Variants in PTDSS2 observed in about 807,000 individuals in gnomAD.
PTDSS2 encodes the protein phosphatidylserine synthase 2, also known as PSS-2.
PTDSS2 carries 41 observed loss-of-function variants against 64.7 expected under a neutral mutation model. The observed-to-expected ratio is 0.63, with a 90% CI of 0.49 to 0.82. The LOEUF (loss-of-function observed/expected upper bound fraction) is 0.82, where lower values mean the gene tolerates loss of function less well. Ranked by LOEUF, PTDSS2 falls within the 40% of genes least tolerant of loss-of-function variation. The pLI is 0.00. For missense variants in PTDSS2, 485 were observed against 650.0 expected (o/e 0.75, Z 2.76); for synonymous variants, 297 against 277.8 (o/e 1.07, Z -0.69).
At chr11:465,750 A>ACCCC (rs1257044596) in intron 2 of PTDSS2, among the ~76,000 whole-genome samples, 3 of 131,682 alleles carry the variant, frequency 2.3e-5, no homozygotes, top group African/African-American at 1.0e-4. Context: ...CATAGTGAGG[A>ACCCC]CCACCCCCCC....
chr11:486,905 T>G (rs1306490821), intron 4 of PTDSS2, 34 bp from the exon 5 acceptor site: 1 of 1,581,724 alleles, frequency 6.3e-7, no homozygotes, highest in Admixed American at 1.8e-5. Flanking sequence ...CACCACTAAC[T>G]GTAGCCCCGC....
At chr11:468,888 G>T (rs553984050) in intron 2 of PTDSS2, among the ~76,000 whole-genome samples, 1 of 149,758 alleles carries the variant, frequency 6.7e-6, no homozygotes, top group Admixed American at 6.6e-5. Context: ...GGAGAAGGAG[G>T]GGAGTCTCTG....
chr11:490,306 C>T (rs958049319), intron 11 of PTDSS2, 114 bp from the exon 12 acceptor site: 67 of 1,456,760 alleles, frequency 4.6e-5, no homozygotes, highest in African/African-American at 5.6e-5. Flanking sequence ...CCAGGGTACC[C>T]GGCACCCACC....
At position 470,322 on chromosome 11, in the gene PTDSS2, T is replaced by C. The variant is rs377207857; in HGVS notation, c.285-3573T>C. On this transcript the variant is annotated intron_variant, in intron 2 of 11. Transcript: ENST00000308020. The surrounding 1 kb of genome is among the most constrained non-coding windows in gnomAD (Gnocchi z 5.3). The stretch of plus-strand genomic sequence containing the variant: ...ACCCCAGCCCGGCCATGCAGAGGCA[T>C]AGTCGACCATCTCACTAAGGAACAT... 2.0e-5 allele frequency among the ~76,000 whole-genome samples: 3 copies of C among 152,194 alleles called. No homozygotes were observed. The East Asian group carries it at 5.8e-4, about 29-fold the overall frequency.
In PTDSS2 at chr11:489,947, C is replaced by A. The variant is rs1208415253; in HGVS notation, c.1180C>A (p.Leu394Ile). ...GGCGGCCATCACGGCCACGGAGCTG[C>A]TCATCGTGGTGAAGTACGACCCCCA... ...LVAAITATEL[L>I]IVVKYDPHTL... The change falls in exon 11 of 12, where the codon CTC (leucine) becomes ATC (isoleucine). Residue 394 changes from leucine (L) to isoleucine (I), a missense_variant. Coordinates refer to ENST00000308020, the MANE Select transcript of PTDSS2 (RefSeq NM_030783.3). The A allele has an allele frequency of 9.3e-6, 15 of 1,610,338 alleles. No individual in the cohort carries two copies. Among genetic ancestry groups the A allele is most frequent in the Non-Finnish European group, 1.2e-5 (14 of 1,179,542 alleles).
chr11:466,148 A>C (rs1182625338), intron 2 of PTDSS2, among the ~76,000 whole-genome samples: 1 of 152,202 alleles, frequency 6.6e-6, no homozygotes, highest in Non-Finnish European at 1.5e-5. Flanking sequence ...TTGAGGCAGA[A>C]GGATTGCTTG....
At chr11:450,167 G>C (rs554851135), upstream of PTDSS2, 4 of 314,812 alleles carry the variant, frequency 1.3e-5, no homozygotes, top group East Asian at 1.5e-4. Context: ...CCGCAGGGCG[G>C]TCCGGCTCCG....
chr11:490,167 T>C (rs1048056034), intron 11 of PTDSS2, 99 bp downstream of exon 11: 9 of 1,350,240 alleles, frequency 6.7e-6, no homozygotes, highest in Non-Finnish European at 9.1e-6. Flanking sequence ...TGTCTCACTG[T>C]CCCTGCTTCA....
intron 2 of PTDSS2, among the ~76,000 whole-genome samples, chr11:468,946 G>GGAGT (rs1347537308): frequency 6.7e-6 from 1 of 149,198 alleles, no homozygotes; most frequent in Non-Finnish European, 1.5e-5. Context: ...GAGAAAGAGG[G>GGAGT]GAGTCTCTGG....
At chr11:467,369 C>T (rs1012260392) in intron 2 of PTDSS2, among the ~76,000 whole-genome samples, 3 of 152,068 alleles carry the variant, frequency 2.0e-5, no homozygotes, top group African/African-American at 4.8e-5. Flanking sequence ...ACAGTACCAA[C>T]GCTTCCAGGA....
rs1169802499 is a variant in PTDSS2, at chr11:487,025, C to A, written c.522C>A (p.Cys174Ter). The change falls in exon 5 of 12, where the codon TGC becomes TGA. Residue 174 changes from cysteine to a stop codon, truncating the protein, a stop_gained. Transcript: ENST00000308020. LOFTEE classifies it high-confidence loss of function. ...PLPERDYGGN[C>*]LIYDPDNETD... The stretch of plus-strand genomic sequence containing the variant: ...CAGAGAGAGACTACGGGGGAAACTG[C>A]CTCATCTACGACCCAGACAATGAGA... The A allele has an allele frequency of 2.5e-6, 4 of 1,613,576 alleles. No homozygotes were observed. The highest frequency in any genetic ancestry group is 3.4e-6 in the Non-Finnish European group (4 of 1,179,928).
intron 6 of PTDSS2, 97 bp downstream of exon 6, chr11:487,567 C>T (rs1316155797): frequency 2.6e-5 from 31 of 1,203,228 alleles, no homozygotes; most frequent in Admixed American, 1.0e-4. Context: ...TCAGGGTGCT[C>T]TGAGTGTGGT....
rs2133817054 is a variant in PTDSS2, at chr11:479,501, C to A, written c.435+349C>A. Reference sequence around the variant, plus strand: ...AGGGCAGGGCCAGTGGTGCAGCTGCCAGGGTGGCTTTGCCCACAGCTGTCG... The same window carrying A: ...AGGGCAGGGCCAGTGGTGCAGCTGCAAGGGTGGCTTTGCCCACAGCTGTCG... On this transcript the variant is annotated intron_variant, in intron 4 of 11. Coordinates refer to ENST00000308020, the MANE Select transcript of PTDSS2 (RefSeq NM_030783.3). This position sits in a 1 kb window ranked among gnomAD's most constrained non-coding sequence, Gnocchi z 4.2. 5.7e-6 allele frequency: 2 copies of A among 351,950 alleles called. No individual in the cohort carries two copies. Among genetic ancestry groups the A allele is most frequent in the South Asian group, 6.3e-5 (2 of 31,618 alleles). 21.8% of individuals were successfully genotyped at this position (351,950 alleles called of 1,614,324 possible). A position where few individuals can be genotyped will look rare whatever the true frequency, so the allele number is the denominator to read the frequency against.
At chr11:450,743 T>C (rs1299845779) in intron 1 of PTDSS2, 106 bp downstream of exon 1, 6 of 1,011,324 alleles carry the variant, frequency 5.9e-6, no homozygotes, top group African/African-American at 1.7e-5. Flanking sequence ...CGTCTTGGAG[T>C]CCAGGACTGT....
rs200466000 is a variant in PTDSS2 at position 490,416 on chromosome 11, C to T, written c.1302-4C>T. 1.4e-5 allele frequency: 23 copies of T among 1,613,194 alleles called. No homozygotes were observed. The East Asian group carries it at 4.9e-4, about 34-fold the overall frequency. On this transcript the variant is annotated splice_polypyrimidine_tract_variant and splice_region_variant and intron_variant, in intron 11 of 11. Coordinates refer to ENST00000308020, the MANE Select transcript of PTDSS2 (RefSeq NM_030783.3). ...AGGTGGTGACGCTGCATCCCGCTCCCCAGGGACATCACATTGAGGTACAAG... is the reference window on the plus strand; with the variant it reads ...AGGTGGTGACGCTGCATCCCGCTCCTCAGGGACATCACATTGAGGTACAAG...
intron 2 of PTDSS2, among the ~76,000 whole-genome samples, chr11:468,072 C>T (rs756019288): frequency 6.6e-5 from 10 of 151,980 alleles, no homozygotes; most frequent in African/African-American, 2.2e-4. Context: ...GAGGTTGCAG[C>T]GAGCTGTGAT....
intron 11 of PTDSS2, among the ~76,000 whole-genome samples, 174 bp from the exon 12 acceptor site, chr11:490,246 C>G (rs571020845): frequency 3.3e-5 from 5 of 152,328 alleles, no homozygotes; most frequent in African/African-American, 9.6e-5. Flanking sequence ...TCTGCACTGA[C>G]AGATCCAGGC....
intron 1 of PTDSS2, among the ~76,000 whole-genome samples, chr11:457,373 G>A (rs1184196382): frequency 2.0e-5 from 3 of 152,230 alleles, no homozygotes; most frequent in Non-Finnish European, 2.9e-5. Flanking sequence ...GTCGTGTGTG[G>A]GTGACAGCAG....
At chr11:489,788 G>A (rs373364639) in intron 10 of PTDSS2, 55 bp downstream of exon 10, 2 of 1,576,682 alleles carry the variant, frequency 1.3e-6, no homozygotes, top group African/African-American at 1.3e-5. Context: ...GGGCCGGAGG[G>A]CTGGGGAGCA....
Sources: gnomAD v4.1 joint callset for allele counts (sites outside exome capture counted in the v4.1 genomes callset) on GRCh38, gnomAD v4.1.1 for gene constraint, Gnocchi (gnomAD v3.1) non-coding constraint, MANE v1.5 for transcripts, NCBI Gene and HGNC (gene_info 2026-07-23, HGNC 2026-07-21) for gene names.